Variants in TRAP1 observed in about 807,000 individuals in gnomAD.
The protein encoded by TRAP1 is heat shock protein 75 kDa, mitochondrial.
TRAP1 carries 102 observed loss-of-function variants against 89.1 expected under a neutral mutation model. The observed-to-expected ratio is 1.15, with a 90% confidence interval of 0.98 to 1.35. The LOEUF (loss-of-function observed/expected upper bound fraction) is 1.35. TRAP1 is among the 40% of genes most tolerant of loss of function. TRAP1 has a pLI of 0.00. For synonymous variants in TRAP1, 508 were observed against 388.0 expected (o/e 1.31, Z -3.64); for missense variants, 1,256 against 945.3 (o/e 1.33, Z -4.31).
chr16:3,662,964 G>A lies in TRAP1; in HGVS notation c.1712C>T (p.Ala571Val), dbSNP rs756225969. 3 of 1,608,940 alleles carry A rather than the reference G, an allele frequency of 1.9e-6. No homozygotes were observed. In the South Asian group the frequency reaches 3.3e-5, roughly 18 times the overall value. ...EEKFEDRSPA[A>V]ECLSEKETEE... is the part of the protein sequence containing the mutation. ...CGTCTCCTTCTCTGATAGGCACTCG[G>A]CGGCTGCGGAAGAGCAGGCGACAGG... The change falls in exon 15 of 18, where the codon GCC becomes GTC. Residue 571 changes from alanine (A) to valine (V), a missense_variant. By Grantham distance (64) the Ala-to-Val change is moderately conservative. Coordinates refer to ENST00000246957, the MANE Select transcript of TRAP1 (RefSeq NM_016292.3).
intron 4 of TRAP1, among the ~76,000 whole-genome samples, chr16:3,681,500 C>G (rs2051073010): frequency 6.6e-6 from 1 of 152,230 alleles, no homozygotes; most frequent in African/African-American, 2.4e-5. Context: ...CGGGCCCCAG[C>G]AGCCAACAAG....
chr16:3,687,778 G>A (rs1301586717), intron 3 of TRAP1, among the ~76,000 whole-genome samples: 1 of 150,960 alleles, frequency 6.6e-6, no homozygotes, highest in Non-Finnish European at 1.5e-5. Flanking sequence ...AGCTCAGGAG[G>A]CGGAGGTTGC....
intron 1 of TRAP1, among the ~76,000 whole-genome samples, chr16:3,707,376 G>C (rs1206939145): frequency 6.6e-6 from 1 of 150,832 alleles, no homozygotes; most frequent in Non-Finnish European, 1.5e-5. Context: ...TAGTAGAGAC[G>C]GGGTTTCACC....
chr16:3,702,630 G>C (rs569834976), intron 1 of TRAP1, among the ~76,000 whole-genome samples: 3 of 151,784 alleles, frequency 2.0e-5, no homozygotes, highest in African/African-American at 4.9e-5. Context: ...TGTAGTTCCA[G>C]CTACTTGGGG....
At chr16:3,702,006 C>T (rs560640144) in intron 1 of TRAP1, among the ~76,000 whole-genome samples, 7 of 152,050 alleles carry the variant, frequency 4.6e-5, no homozygotes, top group South Asian at 4.2e-4. Flanking sequence ...GTCAGGAGTT[C>T]GAGACCAGCG....
At chr16:3,670,601 G>T (rs976469238) in intron 11 of TRAP1, among the ~76,000 whole-genome samples, 2 of 152,070 alleles carry the variant, frequency 1.3e-5, no homozygotes, top group African/African-American at 4.8e-5. Flanking sequence ...CTACTTGGGA[G>T]GCTGAGGTGG....
In TRAP1 at chr16:3,668,619, T is replaced by A. The variant is rs564185169; in HGVS notation, c.1236-2501A>T. On this transcript the variant is annotated intron_variant, in intron 11 of 17. Coordinates refer to ENST00000246957, the MANE Select transcript of TRAP1 (RefSeq NM_016292.3). Reference sequence around the variant, plus strand: ...AAGCTCTAATTTCGGCTGACTCTTTTCTGATCGAGATGAGTTCTCAGACTG... The same window carrying A: ...AAGCTCTAATTTCGGCTGACTCTTTACTGATCGAGATGAGTTCTCAGACTG... Among the ~76,000 whole-genome samples the A allele has an allele frequency of 4.7e-4, 72 of 152,302 alleles. 1 individual carries two copies. The South Asian group carries it at 0.015, about 31-fold the overall frequency.
chr16:3,677,475 G>A (rs764558236), intron 6 of TRAP1, 23 bp downstream of exon 6: 1 of 1,614,114 alleles, frequency 6.2e-7, no homozygotes. Flanking sequence ...TGAGCTGCCT[G>A]TCAGGCGACA....
chr16:3,678,907 C>G (rs966810379), intron 5 of TRAP1, among the ~76,000 whole-genome samples: 7 of 152,200 alleles, frequency 4.6e-5, no homozygotes, highest in Non-Finnish European at 7.3e-5. Context: ...AGTCGATTCC[C>G]TGAGCCTTGT....
chr16:3,679,447 C>T (rs1343988507), intron 5 of TRAP1, among the ~76,000 whole-genome samples: 1 of 152,174 alleles, frequency 6.6e-6, no homozygotes, highest in Non-Finnish European at 1.5e-5. Flanking sequence ...GAAGATGTGT[C>T]TACAATATAC....
chr16:3,675,220 G>C lies in TRAP1; in HGVS notation c.888+104C>G. Reference sequence around the variant, plus strand: ...TCATCTCCACAGAGCAGCTCGCCCTGTGACTCTGGGCCGCATCCCCTGGGC... The same window carrying C: ...TCATCTCCACAGAGCAGCTCGCCCTCTGACTCTGGGCCGCATCCCCTGGGC... On this transcript the variant is annotated intron_variant, in intron 8 of 17. Coordinates refer to ENST00000246957, the MANE Select transcript of TRAP1 (RefSeq NM_016292.3). The C allele has an allele frequency of 5.3e-6, 6 of 1,134,678 alleles. No individual in the cohort carries two copies. The South Asian group carries it at 8.3e-5, about 16-fold the overall frequency. The allele number at this position is 1,134,678 out of a possible 1,614,324, so 70.3% of individuals were successfully genotyped here.
At chr16:3,694,205 C>T (rs2051256177) in intron 1 of TRAP1, among the ~76,000 whole-genome samples, 1 of 152,132 alleles carries the variant, frequency 6.6e-6, no homozygotes, top group African/African-American at 2.4e-5. Context: ...TCCAGATTTC[C>T]CTCTTCTTAT....
chr16:3,699,552 C>A (rs554662465), intron 1 of TRAP1, among the ~76,000 whole-genome samples: 1 of 143,668 alleles, frequency 7.0e-6, no homozygotes, highest in Admixed American at 7.5e-5. Context: ...CTTGAACCCA[C>A]GAGGCAGAGG....
At chr16:3,675,792 C>T (rs1053017456) in intron 7 of TRAP1, among the ~76,000 whole-genome samples, 4 of 152,226 alleles carry the variant, frequency 2.6e-5, no homozygotes, top group South Asian at 2.1e-4. Context: ...GGCCAAGGGC[C>T]ACGCAGAGGA....
At chr16:3,675,860 G>C (rs575577563) in intron 7 of TRAP1, among the ~76,000 whole-genome samples, 176 bp downstream of exon 7, 3 of 152,330 alleles carry the variant, frequency 2.0e-5, no homozygotes, top group South Asian at 4.1e-4. Flanking sequence ...GCAGGAGCTC[G>C]ATGCTACGCA....
At chr16:3,665,195 C>T (rs1396131544) in intron 12 of TRAP1, 1 of 152,234 alleles carries the variant, frequency 6.6e-6, no homozygotes, top group Admixed American at 6.5e-5. Context: ...AATGAAGAGG[C>T]CTGTGTCAGA....
rs184574555 is a variant in TRAP1 at position 3,666,134 on chromosome 16, G to A, written c.1236-16C>T. Reference sequence around the variant, plus strand: ...CCGGAGTTTCCTACAGAAAAGAAATGCATTTAATACATACAAGCAGCCTCT... The same window carrying A: ...CCGGAGTTTCCTACAGAAAAGAAATACATTTAATACATACAAGCAGCCTCT... On this transcript the variant is annotated splice_polypyrimidine_tract_variant and intron_variant, in intron 11 of 17. Transcript: ENST00000246957. The A allele has an allele frequency of 1.2e-5, 19 of 1,607,950 alleles. No homozygotes were observed. In the South Asian group the frequency reaches 2.1e-4, roughly 18 times the overall value.
chr16:3,683,001 T>G lies in TRAP1; in HGVS notation c.471+2995A>C, dbSNP rs372059023. 4.0e-5 allele frequency among the ~76,000 whole-genome samples: 6 copies of G among 149,476 alleles called. No individual in the cohort carries two copies. In the East Asian group the frequency reaches 8.0e-4, roughly 20 times the overall value. On this transcript the variant is annotated intron_variant, in intron 4 of 17. Transcript: ENST00000246957. Reference sequence around the variant, plus strand: ...CTGACCGACATGGAGAAACTCTGTCTCTATTAAAAATACAAAATTAGCCAG... The same window carrying G: ...CTGACCGACATGGAGAAACTCTGTCGCTATTAAAAATACAAAATTAGCCAG...
chr16:3,658,694 A>AAGAC (rs1304238314), intron 17 of TRAP1, 99 bp downstream of exon 17: 1 of 1,036,162 alleles, frequency 9.7e-7, no homozygotes. Flanking sequence ...AACAAACAAA[A>AAGAC]AGACAGGATT....
Sources: allele counts gnomAD v4.1 joint callset (sites outside exome capture counted in the v4.1 genomes callset), GRCh38; gene constraint gnomAD v4.1.1; transcripts MANE v1.5; gene names NCBI Gene and HGNC (gene_info 2026-07-23, HGNC 2026-07-21).